Variants in NPTN observed in about 807,000 individuals in gnomAD.
NPTN encodes the protein SDR-1.
Under a neutral mutation model 42.7 loss-of-function variants are expected in NPTN, and 5 were observed. The observed-to-expected ratio is 0.12, with a 90% CI of 0.06 to 0.25. The LOEUF is 0.25. Among genes scored for constraint, NPTN ranks in the 10% least tolerant of loss-of-function variants. NPTN has a pLI of 1.00. For missense variants in NPTN, 307 were observed against 525.4 expected (o/e 0.58, Z 4.06); for synonymous variants, 180 against 201.9 (o/e 0.89, Z 0.92).
intron 1 of NPTN, among the ~76,000 whole-genome samples, chr15:73,623,413 G>T (rs1418771275): frequency 6.6e-6 from 1 of 152,200 alleles, no homozygotes; most frequent in African/African-American, 2.4e-5. Context: ...TGGCAGGGGG[G>T]CTGTGGCTCA....
intron 3 of NPTN, 148 bp downstream of exon 3, chr15:73,591,818 C>T (rs1308753530): frequency 1.5e-6 from 1 of 665,466 alleles, no homozygotes; most frequent in Non-Finnish European, 2.5e-6. Flanking sequence ...GACTACTGGG[C>T]CTTACCTGAG....
rs1895286882 is a variant in NPTN, at chr15:73,570,187, C to T, written c.1077G>A (p.Val359=). The change falls in exon 6 of 9, where the codon GTG becomes GTA. Residue 359 remains valine (V), a synonymous_variant. Transcript: ENST00000345330. The surrounding 1 kb of genome is among the most constrained non-coding windows in gnomAD (Gnocchi z 4.0). ...EIIILVVIIV[V]YEKRKRPDEV... is the part of the protein sequence containing the mutation. ...CATCTGGCCTCTTCCTCTTCTCATA[C>T]ACAACAATGATCACCACAAGGATGA... The T allele has an allele frequency of 1.2e-6, 2 of 1,613,484 alleles. No individual in the cohort carries two copies. Among genetic ancestry groups the T allele is most frequent in the Non-Finnish European group, 1.7e-6 (2 of 1,179,626 alleles).
intron 6 of NPTN, chr15:73,568,089 A>G (rs546661685): frequency 2.9e-4 from 290 of 985,374 alleles, no homozygotes; most frequent in Admixed American, 1.8e-3. Context: ...ATTTGATTTC[A>G]GTAACCAAGA....
At chr15:73,627,056 G>A (rs1025147668) in intron 1 of NPTN, among the ~76,000 whole-genome samples, 3 of 152,148 alleles carry the variant, frequency 2.0e-5, no homozygotes, top group Non-Finnish European at 4.4e-5. Context: ...CCAACATGGC[G>A]AAACTCCATT....
intron 5 of NPTN, among the ~76,000 whole-genome samples, chr15:73,572,288 G>C (rs1350841352): frequency 1.3e-5 from 2 of 152,154 alleles, no homozygotes; most frequent in Non-Finnish European, 2.9e-5. Flanking sequence ...GGTCCTTTTG[G>C]ATTCTGAAGA....
intron 1 of NPTN, among the ~76,000 whole-genome samples, chr15:73,617,119 A>G (rs1235349371): frequency 6.6e-6 from 1 of 152,206 alleles, no homozygotes; most frequent in Non-Finnish European, 1.5e-5. Flanking sequence ...TCAAAAAAAG[A>G]CTATAAATAC....
At chr15:73,585,171 C>G (rs985930342) in intron 4 of NPTN, among the ~76,000 whole-genome samples, 2 of 152,144 alleles carry the variant, frequency 1.3e-5, no homozygotes, top group African/African-American at 4.8e-5. Flanking sequence ...ATTACATGCC[C>G]TGTTGTGCTG....
intron 4 of NPTN, among the ~76,000 whole-genome samples, chr15:73,582,208 G>C (rs1183620563): frequency 6.6e-6 from 1 of 152,174 alleles, no homozygotes; most frequent in Non-Finnish European, 1.5e-5. Flanking sequence ...ATCCTTAAAG[G>C]TGTTGTCAAT....
chr15:73,569,368 G>C lies in NPTN; in HGVS notation c.1114+782C>G. ...CCAATAACCTAAGATTTCAGCTCTT[G>C]CTCTTTCCAGTGCTCAGTGGTGTGC... On this transcript the variant is annotated intron_variant, in intron 6 of 8. Coordinates refer to ENST00000345330, the MANE Select transcript of NPTN (RefSeq NM_012428.4). This position sits in a 1 kb window ranked among gnomAD's most constrained non-coding sequence, Gnocchi z 4.1. The C allele has an allele frequency of 1.0e-6, 1 of 985,508 alleles. No individual in the cohort carries two copies. The highest frequency in any genetic ancestry group is 1.2e-6 in the Non-Finnish European group (1 of 829,978). The allele number at this position is 985,508 out of a possible 1,614,324, so 61.0% of individuals were successfully genotyped here.
At chr15:73,594,004 A>G (rs1896718481) in intron 2 of NPTN, among the ~76,000 whole-genome samples, 1 of 152,240 alleles carries the variant, frequency 6.6e-6, no homozygotes, top group African/African-American at 2.4e-5. Context: ...ACACACCATC[A>G]GCAGAAAGCA....
At chr15:73,625,072 A>G (rs1400439395) in intron 1 of NPTN, among the ~76,000 whole-genome samples, 3 of 152,240 alleles carry the variant, frequency 2.0e-5, no homozygotes, top group Non-Finnish European at 4.4e-5. Flanking sequence ...AACAAAAATC[A>G]TAATTATTCC....
chr15:73,612,532 C>T (rs1897641607), intron 1 of NPTN, among the ~76,000 whole-genome samples: 1 of 151,972 alleles, frequency 6.6e-6, no homozygotes, highest in Admixed American at 6.6e-5. Context: ...CTTTGGGAGG[C>T]CGAGGTGGGC....
intron 2 of NPTN, among the ~76,000 whole-genome samples, chr15:73,596,485 G>A (rs1896840196): frequency 6.6e-6 from 1 of 152,140 alleles, no homozygotes. Flanking sequence ...AAACCATAGA[G>A]GTGAAGGCAG....
At chr15:73,615,227 C>A (rs1169991404) in intron 1 of NPTN, among the ~76,000 whole-genome samples, 2 of 150,302 alleles carry the variant, frequency 1.3e-5, no homozygotes, top group Non-Finnish European at 3.0e-5. Flanking sequence ...GGGAATAGGA[C>A]ACTTTTTAAC....
intron 8 of NPTN, among the ~76,000 whole-genome samples, chr15:73,561,303 C>T (rs1376723792): frequency 6.6e-6 from 1 of 152,158 alleles, no homozygotes; most frequent in Non-Finnish European, 1.5e-5. Flanking sequence ...ATTTTCACCT[C>T]TTTGTAAAGA....
At chr15:73,579,828 C>G (rs1394839529) in intron 4 of NPTN, among the ~76,000 whole-genome samples, 2 of 152,092 alleles carry the variant, frequency 1.3e-5, no homozygotes, top group Non-Finnish European at 2.9e-5. Context: ...GATCCTCCAG[C>G]TCTGGTCAAG....
At chr15:73,568,721 C>G in intron 6 of NPTN, 1 of 985,548 alleles carries the variant, frequency 1.0e-6, no homozygotes, top group Non-Finnish European at 1.2e-6. Flanking sequence ...CAGAGGCCGT[C>G]TGCTCCCAGC....
chr15:73,591,289 T>C (rs1896575948), intron 3 of NPTN, among the ~76,000 whole-genome samples: 1 of 152,242 alleles, frequency 6.6e-6, no homozygotes, highest in Non-Finnish European at 1.5e-5. Flanking sequence ...TAAGCAGGAT[T>C]AGCTGATTCT....
rs1006661004 is a variant in NPTN, at chr15:73,569,860, C to G, written c.1114+290G>C. The G allele has an allele frequency of 1.4e-5, 14 of 966,010 alleles. No individual in the cohort carries two copies. Among genetic ancestry groups the G allele is most frequent in the Non-Finnish European group, 1.7e-5 (14 of 812,302 alleles). The allele number at this position is 966,010 out of a possible 1,614,324, so 59.8% of individuals were successfully genotyped here. On this transcript the variant is annotated intron_variant, in intron 6 of 8. Coordinates refer to ENST00000345330, the MANE Select transcript of NPTN (RefSeq NM_012428.4). This position sits in a 1 kb window ranked among gnomAD's most constrained non-coding sequence, Gnocchi z 4.1. ...AAGAGACTGACAGCTGCCCATTCAC[C>G]ACATGGGGCCTGAAAGGCAGATGGG...
Sources: gnomAD v4.1 joint callset for allele counts (sites outside exome capture counted in the v4.1 genomes callset) on GRCh38, gnomAD v4.1.1 for gene constraint, Gnocchi (gnomAD v3.1) non-coding constraint, MANE v1.5 for transcripts, NCBI Gene and HGNC (gene_info 2026-07-23, HGNC 2026-07-21) for gene names.